The following MIB1 variants were observed in gnomAD, a reference collection of about 807,000 sequenced individuals.
MIB1 encodes the protein E3 ubiquitin-protein ligase MIB1.
Under a neutral mutation model 124.5 loss-of-function variants are expected in MIB1, and 278 were observed. That is an observed-to-expected ratio of 2.23 (90% CI 2.02 to 2.47). The LOEUF (loss-of-function observed/expected upper bound fraction) is 2.47. Among genes scored for constraint, MIB1 ranks in the 30% most tolerant of loss-of-function variants. The pLI, the probability that MIB1 is intolerant of heterozygous loss-of-function variation, is 0.00. For missense variants in MIB1, 957 were observed against 1,254.4 expected (o/e 0.76, Z 3.58); for synonymous variants, 446 against 429.4 (o/e 1.04, Z -0.48).
At chr18:21,745,121 A>G (rs1436661008) in intron 1 of MIB1, among the ~76,000 whole-genome samples, 1 of 152,234 alleles carries the variant, frequency 6.6e-6, no homozygotes, top group Non-Finnish European at 1.5e-5. Context: ...GAAAATTGGA[A>G]AAAACTTAAA....
chr18:21,758,330 T>G (rs1029737179), intron 1 of MIB1, among the ~76,000 whole-genome samples: 2 of 152,216 alleles, frequency 1.3e-5, no homozygotes, highest in African/African-American at 4.8e-5. Flanking sequence ...AGGCAATTTC[T>G]AAACCAGTTA....
intron 1 of MIB1, among the ~76,000 whole-genome samples, chr18:21,718,416 G>GA (rs997410012): frequency 2.0e-5 from 3 of 151,928 alleles, no homozygotes; most frequent in African/African-American, 7.2e-5. Flanking sequence ...AAAAAAGAAA[G>GA]AAAAAAATAG....
chr18:21,711,320 C>T (rs2040664637), intron 1 of MIB1, among the ~76,000 whole-genome samples: 1 of 151,884 alleles, frequency 6.6e-6, no homozygotes. Context: ...CTCACTCTGT[C>T]ACAAAAGCTG....
At chr18:21,858,787 C>CCTG in intron 20 of MIB1, 141 bp downstream of exon 20, 1 of 535,488 alleles carries the variant, frequency 1.9e-6, no homozygotes, top group Non-Finnish European at 3.4e-6. Flanking sequence ...GAGTAATAAT[C>CCTG]TGATTAGAGG....
intron 1 of MIB1, among the ~76,000 whole-genome samples, chr18:21,753,919 C>T (rs2041002936): frequency 6.6e-6 from 1 of 152,212 alleles, no homozygotes; most frequent in African/African-American, 2.4e-5. Context: ...CTCAGGTGAT[C>T]CACCTGCCTC....
At chr18:21,735,675 C>T (rs1023023700) in intron 1 of MIB1, among the ~76,000 whole-genome samples, 3 of 152,198 alleles carry the variant, frequency 2.0e-5, no homozygotes, top group African/African-American at 4.8e-5. Flanking sequence ...CTGAGATGCT[C>T]AAGCTTGGTC....
At chr18:21,748,646 G>T (rs1217435665) in intron 1 of MIB1, among the ~76,000 whole-genome samples, 1 of 150,842 alleles carries the variant, frequency 6.6e-6, no homozygotes, top group Non-Finnish European at 1.5e-5. Context: ...GCCCAGGTTG[G>T]TCTTGAACTT....
intron 4 of MIB1, among the ~76,000 whole-genome samples, chr18:21,774,925 A>T (rs1167420834): frequency 1.2e-4 from 8 of 64,646 alleles, no homozygotes; most frequent in African/African-American, 2.7e-4. Flanking sequence ...TTTCCATTTT[A>T]TTTATTTATT....
At chr18:21,768,127 G>T (rs1375613352) in intron 2 of MIB1, among the ~76,000 whole-genome samples, 1 of 152,072 alleles carries the variant, frequency 6.6e-6, no homozygotes, top group Non-Finnish European at 1.5e-5. Context: ...TGTCTTTCTT[G>T]GGCTGTCATT....
chr18:21,842,113 A>AG lies in MIB1; in HGVS notation c.1963-1018_1963-1017insG, dbSNP rs1185467953. ...TCTCAAAAAAAAAAAAAAAAAAAAA[A>AG]AAAAAGAAGAAAAGAAGCTGAGATC... On this transcript the variant is annotated intron_variant, in intron 13 of 20. Transcript: ENST00000261537. Among the ~76,000 whole-genome samples, 23 of 147,984 alleles carry AG rather than the reference A, an allele frequency of 1.6e-4. 1 individual carries two copies. The highest frequency in any genetic ancestry group is 9.8e-4 in the East Asian group (5 of 5,082).
intron 6 of MIB1, among the ~76,000 whole-genome samples, chr18:21,789,701 C>G (rs928149317): frequency 2.0e-5 from 3 of 151,978 alleles, no homozygotes; most frequent in Non-Finnish European, 4.4e-5. Context: ...CCTGTAATCC[C>G]AGCTACTTGG....
At chr18:21,736,235 A>C (rs2040796435), upstream of MIB1, among the ~76,000 whole-genome samples, 1 of 152,234 alleles carries the variant, frequency 6.6e-6, no homozygotes, top group Non-Finnish European at 1.5e-5. Flanking sequence ...CCAGGCAAAC[A>C]GGGTATGGAG....
Position 21,815,984 on chromosome 18 carries a change from G to GTT in MIB1, c.1677+179_1677+180dup, listed in dbSNP as rs747928694. On this transcript the variant is annotated intron_variant, in intron 11 of 20. Coordinates refer to ENST00000261537, the MANE Select transcript of MIB1 (RefSeq NM_020774.4). ...GCAGCTATTTCTTTTTTAAAAAGTTGTTTTTTTTTAGGGAAAATGCCAATA... is the reference window on the plus strand; with the variant it reads ...GCAGCTATTTCTTTTTTAAAAAGTTGTTTTTTTTTTTAGGGAAAATGCCAATA... Among the ~76,000 whole-genome samples the GTT allele has an allele frequency of 3.3e-5, 5 of 150,846 alleles. No individual in the cohort carries two copies. In the South Asian group the frequency reaches 8.4e-4, roughly 25 times the overall value.
At chr18:21,831,425 T>TA (rs2041981388) in intron 12 of MIB1, 1 of 152,138 alleles carries the variant, frequency 6.6e-6, no homozygotes, top group Non-Finnish European at 1.5e-5. Flanking sequence ...GCTAAACTGT[T>TA]ACAGCTTTAT....
intron 4 of MIB1, among the ~76,000 whole-genome samples, chr18:21,775,409 T>C (rs2041273211): frequency 6.6e-6 from 1 of 152,112 alleles, no homozygotes; most frequent in Non-Finnish European, 1.5e-5. Context: ...CCAACTAATA[T>C]TAAAAAATTT....
chr18:21,706,642 T>C (rs2040637343), intron 1 of MIB1, among the ~76,000 whole-genome samples: 2 of 152,146 alleles, frequency 1.3e-5, no homozygotes, highest in South Asian at 2.1e-4. Context: ...CCCTGGCCAG[T>C]GAGGGGCTTA....
chr18:21,750,233 AATTCTCCTACTGGGTGCAAGCG>A (rs2040959230), intron 1 of MIB1, among the ~76,000 whole-genome samples: 1 of 151,954 alleles, frequency 6.6e-6, no homozygotes. Flanking sequence ...GGGTGCAAGC[AATTCTCCTACTGGGTGCAAGCG>A]ATTCTCCTAC....
At chr18:21,777,048 A>G (rs1160647725) in intron 4 of MIB1, among the ~76,000 whole-genome samples, 2 of 151,948 alleles carry the variant, frequency 1.3e-5, no homozygotes, top group Admixed American at 6.6e-5. Context: ...TGGTTTTGTT[A>G]TTTTTTACTT....
intron 1 of MIB1, among the ~76,000 whole-genome samples, chr18:21,730,265 G>A (rs944569612): frequency 3.9e-5 from 6 of 152,080 alleles, no homozygotes; most frequent in Admixed American, 2.6e-4. Context: ...TCCAAATTAC[G>A]TTTAAAAAAA....
Sources: gnomAD v4.1 joint callset for allele counts (sites outside exome capture counted in the v4.1 genomes callset) on GRCh38, gnomAD v4.1.1 for gene constraint, MANE v1.5 for transcripts, NCBI Gene and HGNC (gene_info 2026-07-23, HGNC 2026-07-21) for gene names.